Variants in ROBO2 observed in about 807,000 individuals in gnomAD.
ROBO2 encodes the protein roundabout guidance receptor 2.
ROBO2 carries 53 observed loss-of-function variants against 160.8 expected under a neutral mutation model. The observed-to-expected ratio is 0.33, with a 90% CI of 0.26 to 0.41. ROBO2 has a LOEUF of 0.41. Ranked by LOEUF, ROBO2 falls within the 10% of genes least tolerant of loss-of-function variation. The pLI is 1.00. For synonymous variants in ROBO2, 664 were observed against 611.7 expected (o/e 1.09, Z -1.26); for missense variants, 1,577 against 1,722.4 (o/e 0.92, Z 1.49).
chr3:76,419,914 G>A (rs77812139), intron 2 of ROBO2, among the ~76,000 whole-genome samples: 1 of 152,108 alleles, frequency 6.6e-6, no homozygotes, highest in Non-Finnish European at 1.5e-5. Context: ...AGGTGGAAAG[G>A]CCATTCCATT....
intron 2 of ROBO2, among the ~76,000 whole-genome samples, chr3:77,001,424 G>A (rs1330339631): frequency 6.6e-6 from 1 of 152,096 alleles, no homozygotes; most frequent in Non-Finnish European, 1.5e-5. Context: ...AAATAGTTGT[G>A]AGTATCACAA....
intron 2 of ROBO2, among the ~76,000 whole-genome samples, chr3:76,701,124 G>A (rs1188855967): frequency 2.0e-5 from 3 of 151,918 alleles, no homozygotes; most frequent in East Asian, 1.9e-4. Context: ...AAAAATGCCC[G>A]CTTTTTGCAA....
chr3:76,999,680 T>C (rs1273662790), intron 2 of ROBO2, among the ~76,000 whole-genome samples: 2 of 152,136 alleles, frequency 1.3e-5, no homozygotes, highest in Non-Finnish European at 2.9e-5. Context: ...TCAAGACTGA[T>C]AACATGCATG....
intron 2 of ROBO2, among the ~76,000 whole-genome samples, chr3:77,185,213 G>C (rs549276229): frequency 3.3e-5 from 5 of 152,122 alleles, no homozygotes; most frequent in African/African-American, 1.2e-4. Context: ...GTGATCTGCT[G>C]TTGGAAATAT....
chr3:77,172,804 A>G (rs1456718000), intron 2 of ROBO2, among the ~76,000 whole-genome samples: 2 of 152,236 alleles, frequency 1.3e-5, no homozygotes, highest in Non-Finnish European at 2.9e-5. Flanking sequence ...CACTCATTAA[A>G]AATAGATACT....
intron 2 of ROBO2, among the ~76,000 whole-genome samples, chr3:76,485,760 TA>T (rs903513225): frequency 2.0e-5 from 3 of 152,112 alleles, no homozygotes; most frequent in Non-Finnish European, 4.4e-5. Context: ...TTTTATAATT[TA>T]AAAAAATAAA....
At chr3:76,588,498 A>G (rs2086204505) in intron 2 of ROBO2, among the ~76,000 whole-genome samples, 1 of 152,224 alleles carries the variant, frequency 6.6e-6, no homozygotes, top group South Asian at 2.1e-4. Flanking sequence ...AAATGTGTAT[A>G]AAGCATCTCT....
At chr3:76,982,675 G>T (rs575185070) in intron 2 of ROBO2, among the ~76,000 whole-genome samples, 1 of 151,960 alleles carries the variant, frequency 6.6e-6, no homozygotes, top group Non-Finnish European at 1.5e-5. Flanking sequence ...TATGGGGCAC[G>T]GTTGTATCTT....
At chr3:76,248,543 A>T (rs950536117) in intron 2 of ROBO2, among the ~76,000 whole-genome samples, 1 of 151,640 alleles carries the variant, frequency 6.6e-6, no homozygotes, top group African/African-American at 2.4e-5. Context: ...CTAATGCTAG[A>T]TGACAAGTTA....
chr3:77,640,848 A>G (rs2095341400), intron 24 of ROBO2, among the ~76,000 whole-genome samples: 1 of 152,232 alleles, frequency 6.6e-6, no homozygotes, highest in Non-Finnish European at 1.5e-5. Flanking sequence ...CTTAAAATAT[A>G]CAAACTCCAA....
chr3:77,604,361 A>T lies in ROBO2; in HGVS notation c.3136+1870A>T, dbSNP rs186008918. On this transcript the variant is annotated intron_variant, in intron 20 of 25. Transcript: ENST00000461745. ...TTTCATTAAAGATATGCAAAGTCAC[A>T]TGCAGTATGTAAAAATAAATCTATA... is the stretch of plus-strand genomic sequence containing the variant. Among the ~76,000 whole-genome samples the T allele has an allele frequency of 1.8e-3, 281 of 152,276 alleles. 2 individuals are homozygous for T. Among genetic ancestry groups the T allele is most frequent in the South Asian group, 4.6e-3 (22 of 4,826 alleles).
intron 2 of ROBO2, among the ~76,000 whole-genome samples, chr3:77,206,368 C>G (rs1274285178): frequency 6.6e-6 from 1 of 152,014 alleles, no homozygotes; most frequent in Non-Finnish European, 1.5e-5. Context: ...CGGGTTTTTA[C>G]CACACTGGCC....
At chr3:76,143,756 A>C (rs1255353602) in intron 2 of ROBO2, among the ~76,000 whole-genome samples, 1 of 152,040 alleles carries the variant, frequency 6.6e-6, no homozygotes, top group Non-Finnish European at 1.5e-5. Flanking sequence ...ATTTTAAAGG[A>C]CTGGGTCACA....
chr3:76,292,392 A>G (rs1708846633), intron 2 of ROBO2, among the ~76,000 whole-genome samples: 1 of 152,178 alleles, frequency 6.6e-6, no homozygotes, highest in Admixed American at 6.5e-5. Flanking sequence ...CTTCACTACT[A>G]AAGAAACAGT....
chr3:76,251,332 T>C (rs1240336725), intron 2 of ROBO2, among the ~76,000 whole-genome samples: 1 of 151,998 alleles, frequency 6.6e-6, no homozygotes, highest in Non-Finnish European at 1.5e-5. Flanking sequence ...AAGAGCCAGA[T>C]GTCAGGAAAG....
At chr3:77,486,685 T>C (rs1264465818) in intron 4 of ROBO2, among the ~76,000 whole-genome samples, 37 of 152,240 alleles carry the variant, frequency 2.4e-4, no homozygotes, top group Admixed American at 2.4e-3. Flanking sequence ...GATGCTTAGA[T>C]TGCAAATATT....
intron 2 of ROBO2, among the ~76,000 whole-genome samples, chr3:76,787,622 A>G (rs1301622985): frequency 1.3e-5 from 2 of 151,480 alleles, no homozygotes; most frequent in Non-Finnish European, 3.0e-5. Flanking sequence ...TATTCAATAT[A>G]TATTCAAAAA....
intron 2 of ROBO2, among the ~76,000 whole-genome samples, chr3:76,324,258 A>G (rs188400031): frequency 2.6e-4 from 39 of 152,318 alleles, no homozygotes; most frequent in African/African-American, 8.9e-4. Flanking sequence ...TCTAGCTTCA[A>G]AAACCACAAG....
intron 2 of ROBO2, among the ~76,000 whole-genome samples, chr3:77,150,238 G>A (rs963293499): frequency 6.6e-6 from 1 of 152,168 alleles, no homozygotes; most frequent in Non-Finnish European, 1.5e-5. Flanking sequence ...GCCGAGTGGA[G>A]ATGACGGATG....
Sources: allele counts gnomAD v4.1 joint callset (sites outside exome capture counted in the v4.1 genomes callset), GRCh38; gene constraint gnomAD v4.1.1; transcripts MANE v1.5; gene names NCBI Gene and HGNC (gene_info 2026-07-23, HGNC 2026-07-21).